Variants in HMGCLL1 observed in about 807,000 individuals in gnomAD.
HMGCLL1 encodes the protein 3-hydroxy-3-methylglutaryl-CoA lyase like 1.
In HMGCLL1, 36 loss-of-function variants were observed where a neutral mutation model predicts 39.1. The observed-to-expected ratio is 0.92, with a 90% CI of 0.71 to 1.22. The LOEUF is 1.22. Among genes scored for constraint, HMGCLL1 ranks in the 50% most tolerant of loss-of-function variants. HMGCLL1 has a pLI of 0.00. For missense variants in HMGCLL1, 451 were observed against 416.5 expected, an observed-to-expected ratio of 1.08 and a Z score of -0.72; for synonymous variants, 149 against 144.0, an observed-to-expected ratio of 1.03 and a Z score of -0.25.
intron 1 of HMGCLL1, 123 bp downstream of exon 1, chr6:55,578,825 C>T (rs902750722): frequency 5.7e-6 from 4 of 703,260 alleles, no homozygotes; most frequent in African/African-American, 5.3e-5. Flanking sequence ...AGAACTGCTG[C>T]GGGAAGGGTC....
chr6:55,653,135 G>A, the HMGCLL1 span, among the ~76,000 whole-genome samples: 1 of 151,750 alleles, frequency 6.6e-6, no homozygotes. Flanking sequence ...TCTTTTCATT[G>A]CCATATTAAA....
intron 7 of HMGCLL1, among the ~76,000 whole-genome samples, chr6:55,477,241 TTATATAA>T (rs1765394106): frequency 2.7e-4 from 5 of 18,268 alleles, no homozygotes; most frequent in African/African-American, 5.6e-4. Context: ...TATATTATAT[TTATATAA>T]TATATAATAT....
chr6:55,654,986 A>T, the HMGCLL1 span, among the ~76,000 whole-genome samples: 1,024 of 152,052 alleles, frequency 6.7e-3, 12 homozygotes, highest in African/African-American at 0.023. Flanking sequence ...CAAATGGTGA[A>T]TTTCTCTTGC....
upstream of HMGCLL1, among the ~76,000 whole-genome samples, chr6:55,580,385 T>A (rs1407247880): frequency 6.8e-6 from 1 of 146,404 alleles, no homozygotes; most frequent in Non-Finnish European, 1.5e-5. Context: ...TAACCAAGGA[T>A]TTTTTTTTTC....
At chr6:55,576,132 T>C (rs897924499) in intron 1 of HMGCLL1, among the ~76,000 whole-genome samples, 6 of 152,178 alleles carry the variant, frequency 3.9e-5, no homozygotes, top group African/African-American at 1.2e-4. Flanking sequence ...AAAATAAATA[T>C]ATAATGCATA....
upstream of HMGCLL1, among the ~76,000 whole-genome samples, chr6:55,583,530 C>A (rs113007912): frequency 1.3e-5 from 2 of 151,802 alleles, no homozygotes; most frequent in African/African-American, 4.8e-5. Flanking sequence ...TGAACTCATC[C>A]TTTTTTATGG....
At chr6:55,548,648 A>G (rs562709960) in intron 1 of HMGCLL1, among the ~76,000 whole-genome samples, 2 of 152,116 alleles carry the variant, frequency 1.3e-5, no homozygotes, top group South Asian at 4.1e-4. Flanking sequence ...AGCTTCAGCA[A>G]TAAATGCAGC....
chr6:55,556,058 T>G (rs1430416725), intron 1 of HMGCLL1, among the ~76,000 whole-genome samples: 2 of 152,070 alleles, frequency 1.3e-5, no homozygotes, highest in African/African-American at 2.4e-5. Flanking sequence ...TTGCAATAAT[T>G]GTTAGCAGCA....
intron 1 of HMGCLL1, among the ~76,000 whole-genome samples, chr6:55,545,919 A>G (rs1261013590): frequency 6.6e-6 from 1 of 152,136 alleles, no homozygotes; most frequent in Non-Finnish European, 1.5e-5. Flanking sequence ...ATGAGAAACT[A>G]GAGGATGACC....
At chr6:55,514,348 T>C (rs1387787445) in intron 4 of HMGCLL1, 152 bp from the exon 5 acceptor site, 1 of 565,560 alleles carries the variant, frequency 1.8e-6, no homozygotes, top group South Asian at 2.8e-5. Flanking sequence ...TCTTGCCACA[T>C]ATATTCTTTC....
Position 55,472,585 on chromosome 6 carries a change from TTATAA to T in HMGCLL1, c.795+22829_795+22833del, listed in dbSNP as rs528183551. On this transcript the variant is annotated intron_variant, in intron 7 of 8. Transcript: ENST00000274901. ...CCACATTGTGACTTGTTATTCAATC[TTATAA>T]TATATATTTTTGTTTTAATTTTTAT... Among the ~76,000 whole-genome samples the T allele has an allele frequency of 1.5e-4, 22 of 151,658 alleles. No individual in the cohort carries two copies. The East Asian group carries it at 2.3e-3, about 16-fold the overall frequency.
chr6:55,630,978 A>T, the HMGCLL1 span, among the ~76,000 whole-genome samples: 1 of 152,082 alleles, frequency 6.6e-6, no homozygotes, highest in Non-Finnish European at 1.5e-5. Flanking sequence ...TGCTGTTTTT[A>T]GAATCCTTTC....
At chr6:55,521,037 A>G (rs1768011906) in intron 3 of HMGCLL1, among the ~76,000 whole-genome samples, 1 of 152,106 alleles carries the variant, frequency 6.6e-6, no homozygotes, top group African/African-American at 2.4e-5. Context: ...TAGAGATTTT[A>G]TTTGCTACTA....
rs1763299420 is a variant in HMGCLL1, at chr6:55,434,623, C to A, written c.*1039G>T. Reference sequence around the variant, plus strand: ...TAGTCCTCCTGCTCCTCATCCCTGACTTTGATATATTACATCTTGCAATTT... The same window carrying A: ...TAGTCCTCCTGCTCCTCATCCCTGAATTTGATATATTACATCTTGCAATTT... On this transcript the variant is annotated 3_prime_UTR_variant, in exon 9 of 9. Transcript: ENST00000274901. The A allele has an allele frequency of 6.6e-6, 1 of 152,008 alleles. No homozygotes were observed. The highest frequency in any genetic ancestry group is 1.5e-5 in the Non-Finnish European group (1 of 67,996). 9.4% of individuals were successfully genotyped at this position (152,008 alleles called of 1,614,324 possible).
chr6:55,511,912 A>G (rs1335464466), intron 5 of HMGCLL1, among the ~76,000 whole-genome samples: 1 of 152,108 alleles, frequency 6.6e-6, no homozygotes, highest in Non-Finnish European at 1.5e-5. Flanking sequence ...TGGAAAACAT[A>G]CATTTGTCTA....
chr6:55,557,803 C>G (rs2127468830), intron 1 of HMGCLL1, among the ~76,000 whole-genome samples: 1 of 152,240 alleles, frequency 6.6e-6, no homozygotes, highest in East Asian at 1.9e-4. Flanking sequence ...AAGGGGTTAG[C>G]AATAAATTAC....
rs116476061 is a variant in HMGCLL1, at chr6:55,470,274, G to A, written c.795+25145C>T. ...GGTTTCATTTCCACTGTACGTTTCC[G>A]GTCTCTGGTTACAGAAACATCAGTA... On this transcript the variant is annotated intron_variant, in intron 7 of 8. Coordinates refer to ENST00000274901, the MANE Select transcript of HMGCLL1 (RefSeq NM_001042406.2). 7.3e-3 allele frequency among the ~76,000 whole-genome samples: 1,109 copies of A among 151,860 alleles called. 9 individuals carry two copies. The highest frequency in any genetic ancestry group is 0.019 in the African/African-American group (795 of 41,442).
intron 7 of HMGCLL1, among the ~76,000 whole-genome samples, chr6:55,477,294 AT>A (rs1443220236): frequency 0.014 from 135 of 9,724 alleles, 33 homozygotes; most frequent in African/African-American, 0.13. Flanking sequence ...TATATATAAA[AT>A]AATATATATT....
intron 5 of HMGCLL1, among the ~76,000 whole-genome samples, chr6:55,503,301 G>A (rs12214505): frequency 0.68 from 102,450 of 151,666 alleles, 34,630 homozygotes; most frequent in Non-Finnish European, 0.7. Flanking sequence ...AAGAGGTGAT[G>A]CCAGACTCCA....
Sources: allele counts gnomAD v4.1 joint callset (sites outside exome capture counted in the v4.1 genomes callset), GRCh38; gene constraint gnomAD v4.1.1; transcripts MANE v1.5; gene names NCBI Gene and HGNC (gene_info 2026-07-23, HGNC 2026-07-21).